Variants in FBXL13 observed in about 807,000 individuals in gnomAD.
The protein encoded by FBXL13 is F-box and leucine-rich repeat protein 13.
Under a neutral mutation model 83.6 loss-of-function variants are expected in FBXL13, and 67 were observed. The ratio of observed to expected loss-of-function variants is 0.80; its 90% CI spans 0.66 to 0.98. FBXL13 has a LOEUF of 0.98. Ranked by LOEUF, FBXL13 falls within the 50% of genes least tolerant of loss-of-function variation. FBXL13 has a pLI of 0.00. For missense variants in FBXL13, 822 were observed against 866.5 expected, an observed-to-expected ratio of 0.95 and a Z score of 0.64; for synonymous variants, 272 against 299.5, an observed-to-expected ratio of 0.91 and a Z score of 0.95.
intron 2 of FBXL13, among the ~76,000 whole-genome samples, chr7:103,053,917 T>C (rs1797081761): frequency 6.6e-6 from 1 of 152,240 alleles, no homozygotes; most frequent in Non-Finnish European, 1.5e-5. Flanking sequence ...TGTTTCTCTG[T>C]TGCAGACCAC....
At chr7:102,813,250 T>C (rs752040804) in exon 20 of FBXL13, 42 of 1,157,142 alleles carry the variant, frequency 3.6e-5, no homozygotes, top group Non-Finnish European at 4.6e-5. Flanking sequence ...GTTTACATTG[T>C]TATTGAGATT....
intron 19 of FBXL13, among the ~76,000 whole-genome samples, chr7:102,816,533 A>C (rs1798023575): frequency 6.6e-6 from 1 of 152,148 alleles, no homozygotes; most frequent in South Asian, 2.1e-4. Context: ...CCAAGAGAAG[A>C]GATCGGCAAG....
At chr7:103,023,834 G>A (rs749932927) in intron 6 of FBXL13, among the ~76,000 whole-genome samples, 8 of 152,126 alleles carry the variant, frequency 5.3e-5, no homozygotes, top group Non-Finnish European at 1.0e-4. Flanking sequence ...CAACATGGAC[G>A]GAGTTGGAGA....
intron 5 of FBXL13, among the ~76,000 whole-genome samples, 167 bp downstream of exon 6, chr7:103,027,282 G>A (rs1381865106): frequency 6.6e-6 from 1 of 151,744 alleles, no homozygotes; most frequent in Non-Finnish European, 1.5e-5. Context: ...GACAACAAGA[G>A]CAAAACTCTG....
At chr7:102,944,438 G>A in intron 8 of FBXL13, 2 of 1,613,986 alleles carry the variant, frequency 1.2e-6, no homozygotes, top group Non-Finnish European at 1.7e-6. Context: ...GAATACAAAG[G>A]ATGGTCTGTG....
chr7:102,875,773 C>G (rs1216821748), intron 16 of FBXL13, among the ~76,000 whole-genome samples: 1 of 152,032 alleles, frequency 6.6e-6, no homozygotes, highest in African/African-American at 2.4e-5. Context: ...CACTACTGTC[C>G]CTATGCTGGA....
intron 8 of FBXL13, chr7:102,942,343 G>C (rs764324654): frequency 6.3e-7 from 1 of 1,581,888 alleles, no homozygotes; most frequent in South Asian, 1.2e-5. Flanking sequence ...TTTTGCTGTG[G>C]TAAGTATACA....
At chr7:103,016,676 A>G (rs1269307209) in intron 6 of FBXL13, among the ~76,000 whole-genome samples, 3 of 152,144 alleles carry the variant, frequency 2.0e-5, no homozygotes, top group African/African-American at 7.2e-5. Flanking sequence ...CCAGGAGATT[A>G]TATCCCGCGC....
chr7:102,822,187 A>G, exon 19 of FBXL13: 1 of 1,614,150 alleles, frequency 6.2e-7, no homozygotes, highest in Non-Finnish European at 8.5e-7. Context: ...TAACATCTCC[A>G]TTGCTGAGTC....
chr7:102,989,880 TG>T (rs1376260060), intron 6 of FBXL13, among the ~76,000 whole-genome samples: 1 of 152,214 alleles, frequency 6.6e-6, no homozygotes, highest in African/African-American at 2.4e-5. Context: ...CTAAAATTGC[TG>T]TATATGTAGA....
intron 7 of FBXL13, among the ~76,000 whole-genome samples, chr7:102,964,327 AATAG>A (rs900486899): frequency 2.6e-5 from 4 of 151,498 alleles, no homozygotes; most frequent in African/African-American, 9.7e-5. Flanking sequence ...AAAATAAATA[AATAG>A]ATAGAGCTAA....
chr7:102,986,789 G>A (rs1052923079), intron 6 of FBXL13, among the ~76,000 whole-genome samples: 8 of 151,302 alleles, frequency 5.3e-5, no homozygotes, highest in African/African-American at 1.9e-4. Context: ...TTTTTTGTAT[G>A]CTTTGTCAGA....
intron 1 of FBXL13, among the ~76,000 whole-genome samples, chr7:103,062,948 C>T (rs1353379748): frequency 2.0e-5 from 3 of 152,134 alleles, no homozygotes; most frequent in Non-Finnish European, 2.9e-5. Context: ...CCTAGTGTAT[C>T]CCCCTCAGCT....
chr7:102,955,492 G>A (rs1403387784), intron 8 of FBXL13, among the ~76,000 whole-genome samples: 5 of 151,298 alleles, frequency 3.3e-5, no homozygotes, highest in African/African-American at 4.9e-5. Context: ...AGAGAAGCAA[G>A]AGCAAATTCA....
At chr7:102,969,472 T>C (rs1026738031) in intron 6 of FBXL13, among the ~76,000 whole-genome samples, 45 of 151,218 alleles carry the variant, frequency 3.0e-4, no homozygotes, top group African/African-American at 1.0e-3. Context: ...GTGACTGTAA[T>C]TGAAACTGAG....
intron 16 of FBXL13, among the ~76,000 whole-genome samples, chr7:102,858,311 T>G (rs1584659510): frequency 6.6e-6 from 1 of 152,174 alleles, no homozygotes; most frequent in Non-Finnish European, 1.5e-5. Context: ...GGGGATTGGT[T>G]GGTTAACAAT....
intron 11 of FBXL13, among the ~76,000 whole-genome samples, chr7:102,910,033 C>T (rs939466574): frequency 6.6e-6 from 1 of 152,124 alleles, no homozygotes; most frequent in Non-Finnish European, 1.5e-5. Flanking sequence ...CACTGTAGCC[C>T]TCAGTGGTGA....
At chr7:102,975,933 C>T (rs752670288) in intron 6 of FBXL13, 3 of 764,472 alleles carry the variant, frequency 3.9e-6, no homozygotes, top group Non-Finnish European at 7.2e-6. Context: ...ACAGAAGCCT[C>T]CTAGCAATCC....
intron 17 of FBXL13, among the ~76,000 whole-genome samples, chr7:102,840,630 TAA>T (rs894183929): frequency 6.6e-6 from 1 of 152,114 alleles, no homozygotes; most frequent in African/African-American, 2.4e-5. Flanking sequence ...CTCTAAGAAA[TAA>T]AGAGTTCACG....
Sources: allele counts gnomAD v4.1 joint callset (sites outside exome capture counted in the v4.1 genomes callset), GRCh38; gene constraint gnomAD v4.1.1; transcripts MANE v1.5; gene names NCBI Gene and HGNC (gene_info 2026-07-23, HGNC 2026-07-21).